The following NOXA1 variants were observed in gnomAD, a reference collection of about 807,000 sequenced individuals.
The protein encoded by NOXA1 is NCF2-like protein.
In NOXA1, 56 loss-of-function variants were observed where a neutral mutation model predicts 64.8. That is an observed-to-expected ratio of 0.86 (90% CI 0.70 to 1.08). NOXA1 has a LOEUF of 1.08. Ranked by LOEUF, NOXA1 falls within the 50% of genes least tolerant of loss-of-function variation. NOXA1 has a pLI of 0.00. For synonymous variants in NOXA1, 295 were observed against 294.8 expected, an observed-to-expected ratio of 1.00 and a Z score of -0.01; for missense variants, 668 against 658.5, an observed-to-expected ratio of 1.01 and a Z score of -0.16.
intron 5 of NOXA1, among the ~76,000 whole-genome samples, chr9:137,430,242 G>C (rs542659716): frequency 6.6e-6 from 1 of 152,272 alleles, no homozygotes; most frequent in African/African-American, 2.4e-5. Context: ...ACTTGGGTCA[G>C]AGCCAGGCAA....
At position 137,433,550 on chromosome 9, in the gene NOXA1, G is replaced by C; in HGVS notation, c.1007G>C (p.Ser336Thr). The C allele has an allele frequency of 6.3e-7, 1 of 1,577,614 alleles. No homozygotes were observed. Among genetic ancestry groups the C allele is most frequent in the Non-Finnish European group, 8.6e-7 (1 of 1,164,360 alleles). The change falls in exon 11 of 14, where the codon AGC (serine) becomes ACC (threonine). Residue 336 changes from serine (S) to threonine (T), a missense_variant. Transcript: ENST00000683555. ...LRARRGADLS[S>T]LRALLGQALP... is the part of the protein sequence containing the mutation. ...GCACGAAGAGGAGCCGACCTGTCCAGCCTGCGGGCACTGCTGGGCCAAGCC... is the reference window on the plus strand; with the variant it reads ...GCACGAAGAGGAGCCGACCTGTCCACCCTGCGGGCACTGCTGGGCCAAGCC...
rs1052321260 is a variant in NOXA1, at chr9:137,430,715, G to T, written c.613-69G>T. The T allele has an allele frequency of 2.2e-6, 3 of 1,381,420 alleles. No individual in the cohort carries two copies. In the Admixed American group the frequency reaches 7.8e-5, roughly 36 times the overall value. The allele number at this position is 1,381,420 out of a possible 1,614,324, so 85.6% of individuals were successfully genotyped here. The stretch of plus-strand genomic sequence containing the variant: ...ACTTAGAGCTGCGGGGCACGGTGGG[G>T]CGGGCTGCAGGGAGCAGACCCTGCT... On this transcript the variant is annotated intron_variant, in intron 5 of 13. Transcript: ENST00000683555.
At chr9:137,427,772 C>A (rs1436366802) in intron 2 of NOXA1, among the ~76,000 whole-genome samples, 1 of 152,294 alleles carries the variant, frequency 6.6e-6, no homozygotes, top group African/African-American at 2.4e-5. Flanking sequence ...TGGGGGCGGG[C>A]AGGGGCCCAG....
Position 137,431,181 on chromosome 9 carries a change from G to A in NOXA1, c.699-55G>A. 2 of 1,609,840 alleles carry A rather than the reference G, an allele frequency of 1.2e-6. No individual in the cohort carries two copies. Among genetic ancestry groups the A allele is most frequent in the South Asian group, 2.2e-5 (2 of 90,922 alleles). On this transcript the variant is annotated intron_variant, in intron 7 of 13. Coordinates refer to ENST00000683555, the MANE Select transcript of NOXA1 (RefSeq NM_001256067.2). This position sits in a 1 kb window ranked among gnomAD's most constrained non-coding sequence, Gnocchi z 5.6. ...CCTCCACATGGGGCCACGCGGGCCG[G>A]GCACAGGAGGGCAGTCAGATGGGCA...
chr9:137,428,884 G>A lies in NOXA1; in HGVS notation c.372G>A (p.Val124=). The A allele has an allele frequency of 6.3e-7, 1 of 1,579,070 alleles. No homozygotes were observed. The highest frequency in any genetic ancestry group is 8.6e-7 in the Non-Finnish European group (1 of 1,164,526). The change falls in exon 4 of 14, where the codon GTG becomes GTA. Residue 124 remains valine, a splice_region_variant and synonymous_variant. Transcript: ENST00000683555. The part of the protein sequence containing the change: ...GLRFKLQAWE[V]LHNVASAQCQ... ...CATCACCTTGGCCCCACTCCCAGGT[G>A]CTACACAATGTGGCGTCGGCACAGT... is the stretch of plus-strand genomic sequence containing the variant.
rs1167016380 is a variant in NOXA1, at chr9:137,433,456, G to A, written c.913G>A (p.Ala305Thr). The A allele has an allele frequency of 6.3e-7, 1 of 1,598,152 alleles. No individual in the cohort carries two copies. Among genetic ancestry groups the A allele is most frequent in the Non-Finnish European group, 8.5e-7 (1 of 1,175,656 alleles). ...TCCCCCTCCTGCCTGGACCCAGGGAGCAGGTGCAGGGGGCTCCGAGCCCCT... is the reference window on the plus strand; with the variant it reads ...TCCCCCTCCTGCCTGGACCCAGGGAACAGGTGCAGGGGGCTCCGAGCCCCT... ...PCEDPAGAGG[A>T]GAGGSEPLVT... Residue 305 changes from alanine (A) to threonine (T), a missense_variant, in exon 11 of 14, where the codon GCA becomes ACA. Coordinates refer to ENST00000683555, the MANE Select transcript of NOXA1 (RefSeq NM_001256067.2).
Position 137,431,181 on chromosome 9 carries a change from G to C in NOXA1, c.699-55G>C. 2 of 1,609,840 alleles carry C rather than the reference G, an allele frequency of 1.2e-6. No homozygotes were observed. The highest frequency in any genetic ancestry group is 2.2e-5 in the South Asian group (2 of 90,922). On this transcript the variant is annotated intron_variant, in intron 7 of 13. Coordinates refer to ENST00000683555, the MANE Select transcript of NOXA1 (RefSeq NM_001256067.2). The surrounding 1 kb of genome is among the most constrained non-coding windows in gnomAD (Gnocchi z 5.6). The stretch of plus-strand genomic sequence containing the variant: ...CCTCCACATGGGGCCACGCGGGCCG[G>C]GCACAGGAGGGCAGTCAGATGGGCA...
chr9:137,430,927 T>C, intron 6 of NOXA1, 84 bp downstream of exon 6: 11 of 1,550,476 alleles, frequency 7.1e-6, no homozygotes, highest in Non-Finnish European at 7.0e-6. Flanking sequence ...TGAGCCCTCC[T>C]GGGGCTGCGA....
In NOXA1 at chr9:137,428,902, G is replaced by A. The variant is rs200002417; in HGVS notation, c.390G>A (p.Ser130=). 59 of 1,589,840 alleles carry A rather than the reference G, an allele frequency of 3.7e-5. No homozygotes were observed. The highest frequency in any genetic ancestry group is 2.5e-4 in the East Asian group (11 of 43,520). The change falls in exon 4 of 14, where the codon TCG becomes TCA. Residue 130 remains serine, a synonymous_variant. Coordinates refer to ENST00000683555, the MANE Select transcript of NOXA1 (RefSeq NM_001256067.2). ...CCCAGGTGCTACACAATGTGGCGTC[G>A]GCACAGTGCCAGCTGGGGCTCTGGA... ...QAWEVLHNVA[S]AQCQLGLWTE...
Position 137,431,175 on chromosome 9 carries a change from G to T in NOXA1, c.699-61G>T. ...AGAGGCCCTCCACATGGGGCCACGC[G>T]GGCCGGGCACAGGAGGGCAGTCAGA... is the stretch of plus-strand genomic sequence containing the variant. On this transcript the variant is annotated intron_variant, in intron 7 of 13. Transcript: ENST00000683555. The surrounding 1 kb of genome is among the most constrained non-coding windows in gnomAD (Gnocchi z 5.6). The T allele has an allele frequency of 1.2e-6, 2 of 1,610,716 alleles. No individual in the cohort carries two copies. Among genetic ancestry groups the T allele is most frequent in the Non-Finnish European group, 1.7e-6 (2 of 1,178,370 alleles).
At chr9:137,429,159 T>C in intron 4 of NOXA1, 117 bp from the exon 5 acceptor site, 1 of 1,097,252 alleles carries the variant, frequency 9.1e-7, no homozygotes, top group Non-Finnish European at 1.2e-6. Context: ...TCCTGTGACC[T>C]GCGGGAAGGG....
chr9:137,426,942 A>G (rs1355469864), intron 2 of NOXA1, among the ~76,000 whole-genome samples: 2 of 152,122 alleles, frequency 1.3e-5, no homozygotes, highest in Non-Finnish European at 2.9e-5. Context: ...GATTACAGGC[A>G]TGTGCCACCA....
Position 137,431,230 on chromosome 9 carries a change from C to A in NOXA1, c.699-6C>A. The A allele has an allele frequency of 6.2e-7, 1 of 1,611,810 alleles. No homozygotes were observed. Among genetic ancestry groups the A allele is most frequent in the South Asian group, 1.1e-5 (1 of 90,978 alleles). ...CAGGGCCTGAGAGCCTCCCTCCTCT[C>A]CCTAGGTCCCTAATCATGGACTCCC... On this transcript the variant is annotated splice_region_variant and splice_polypyrimidine_tract_variant and intron_variant, in intron 7 of 13. Coordinates refer to ENST00000683555, the MANE Select transcript of NOXA1 (RefSeq NM_001256067.2). The surrounding 1 kb of genome is among the most constrained non-coding windows in gnomAD (Gnocchi z 5.6).
Position 137,426,345 on chromosome 9 carries a change from G to A in NOXA1, c.260+15G>A, listed in dbSNP as rs1262539937. ...CAGCTGGCAAGGTGAGTACAGGGGTGCCTTGTTCCTTCTCTGACGGCCCTT... is the reference window on the plus strand; with the variant it reads ...CAGCTGGCAAGGTGAGTACAGGGGTACCTTGTTCCTTCTCTGACGGCCCTT... On this transcript the variant is annotated intron_variant, in intron 2 of 13. Coordinates refer to ENST00000683555, the MANE Select transcript of NOXA1 (RefSeq NM_001256067.2). The A allele has an allele frequency of 5.6e-6, 9 of 1,611,006 alleles. No individual in the cohort carries two copies. The African/African-American group carries it at 1.1e-4, about 19-fold the overall frequency.
chr9:137,432,558 C>A (rs868672529), intron 8 of NOXA1, among the ~76,000 whole-genome samples: 5 of 152,178 alleles, frequency 3.3e-5, no homozygotes, highest in African/African-American at 1.2e-4. Flanking sequence ...CCAGCCTGGG[C>A]GACAGAGCGA....
In NOXA1 at chr9:137,429,282, G is replaced by C; in HGVS notation, c.511G>C (p.Gly171Arg). ...DSALDQVQRR[G>R]SLPPRQVPRG... ...GGATACCCACCCCCTCCAGAGACGG[G>C]GCTCACTGCCGCCACGGCAGGTCCC... Residue 171 changes from glycine to arginine, a missense_variant, in exon 5 of 14, where the codon GGC becomes CGC. Gly to Arg is a moderately radical substitution (Grantham distance 125). Coordinates refer to ENST00000683555, the MANE Select transcript of NOXA1 (RefSeq NM_001256067.2). The C allele has an allele frequency of 6.4e-7, 1 of 1,556,468 alleles. No homozygotes were observed. The highest frequency in any genetic ancestry group is 2.4e-5 in the East Asian group (1 of 42,494).
At chr9:137,432,072 G>A (rs1273922356) in intron 8 of NOXA1, among the ~76,000 whole-genome samples, 1 of 152,126 alleles carries the variant, frequency 6.6e-6, no homozygotes, top group Non-Finnish European at 1.5e-5. Context: ...GGGCCTTTAA[G>A]CTCTCGTCCT....
chr9:137,429,243 C>T lies in NOXA1; in HGVS notation c.505-33C>T, dbSNP rs1479579544. ...CGGCTGCAGGCCTGGTTGGTCACCCCGTCTGCATCTGCTGGATACCCACCC... is the reference window on the plus strand; with the variant it reads ...CGGCTGCAGGCCTGGTTGGTCACCCTGTCTGCATCTGCTGGATACCCACCC... On this transcript the variant is annotated intron_variant, in intron 4 of 13. Transcript: ENST00000683555. The T allele has an allele frequency of 8.9e-6, 13 of 1,466,212 alleles. 1 individual carries two copies. The highest frequency in any genetic ancestry group is 2.0e-4 in the Middle Eastern group (1 of 4,936). The allele number at this position is 1,466,212 out of a possible 1,614,324, so 90.8% of individuals were successfully genotyped here.
rs1164619652 is a variant in NOXA1, at chr9:137,429,371, G to A, written c.600G>A (p.Leu200=). 1.3e-6 allele frequency: 2 copies of A among 1,578,462 alleles called. No homozygotes were observed. Among genetic ancestry groups the A allele is most frequent in the East Asian group, 2.3e-5 (1 of 43,566 alleles). ...HLKHLEPVDF[L]GKAKVVASAI... is the part of the protein sequence containing the mutation. The stretch of plus-strand genomic sequence containing the variant: ...AGCACTTGGAGCCCGTGGATTTCCT[G>A]GGCAAGGCCAAGGTAAAGGTGGGGA... The change falls in exon 5 of 14, where the codon CTG becomes CTA. Residue 200 remains leucine, a synonymous_variant. Transcript: ENST00000683555.
Sources: allele counts gnomAD v4.1 joint callset (sites outside exome capture counted in the v4.1 genomes callset), GRCh38; gene constraint gnomAD v4.1.1; non-coding constraint Gnocchi (gnomAD v3.1); transcripts MANE v1.5; gene names NCBI Gene and HGNC (gene_info 2026-07-23, HGNC 2026-07-21).